DPPA2: variants seen among roughly 807,000 people sequenced by gnomAD.
DPPA2 encodes the protein developmental pluripotency associated 2.
A neutral mutation model predicts 36.2 loss-of-function variants in DPPA2; 26 were observed. The observed-to-expected ratio is 0.72, with a 90% confidence interval of 0.53 to 1.00. The LOEUF is 1.00. Ranked by LOEUF, DPPA2 falls within the 50% of genes least tolerant of loss-of-function variation. The probability of loss-of-function intolerance (pLI) is 0.00; values close to 1 mark genes in which losing one functional copy is unlikely to be tolerated. For synonymous variants in DPPA2, 113 were observed against 123.2 expected (o/e 0.92, Z 0.55); for missense variants, 361 against 365.1 (o/e 0.99, Z 0.09).
Position 109,300,439 on chromosome 3 carries a change from T to C in DPPA2, c.855-4A>G. ...TCTTTTCATCATCTTCTTATTCCTG[T>C]AAGGCAAGTAGAAAAGAACTGTGAA... On this transcript the variant is annotated splice_polypyrimidine_tract_variant and splice_region_variant and intron_variant, in intron 7 of 8. Coordinates refer to ENST00000478945, the MANE Select transcript of DPPA2 (RefSeq NM_138815.4). 1 of 1,613,822 alleles carries C rather than the reference T, an allele frequency of 6.2e-7. No individual in the cohort carries two copies. The highest frequency in any genetic ancestry group is 8.5e-7 in the Non-Finnish European group (1 of 1,179,772).
intron 7 of DPPA2, among the ~76,000 whole-genome samples, chr3:109,302,391 T>C (rs1707470184): frequency 2.0e-5 from 3 of 152,190 alleles, no homozygotes; most frequent in African/African-American, 7.2e-5. Context: ...TAATGAATTA[T>C]CTCTTTCTGA....
chr3:109,301,151 T>C (rs1707450613), intron 7 of DPPA2, among the ~76,000 whole-genome samples: 1 of 151,138 alleles, frequency 6.6e-6, no homozygotes, highest in African/African-American at 2.4e-5. Context: ...ACCTGGCTAA[T>C]TTTTTTATAT....
chr3:109,304,724 A>T, intron 6 of DPPA2, 54 bp from the exon 7 acceptor site: 1 of 1,509,704 alleles, frequency 6.6e-7, no homozygotes, highest in South Asian at 1.3e-5. Context: ...ACCCCAACAC[A>T]ACCTCTCAGC....
chr3:109,296,707 A>G (rs1385582954), intron 8 of DPPA2, among the ~76,000 whole-genome samples: 2 of 152,160 alleles, frequency 1.3e-5, no homozygotes, highest in Non-Finnish European at 2.9e-5. Flanking sequence ...AAGGAAGGAA[A>G]GAAATGAGAA....
intron 6 of DPPA2, among the ~76,000 whole-genome samples, chr3:109,307,795 G>A (rs182393206): frequency 2.8e-4 from 42 of 152,180 alleles, no homozygotes; most frequent in Non-Finnish European, 5.3e-4. Flanking sequence ...AGATTATCAG[G>A]TTATGCTTAG....
intron 6 of DPPA2, among the ~76,000 whole-genome samples, chr3:109,307,542 G>A (rs1366163518): frequency 6.8e-6 from 1 of 147,390 alleles, no homozygotes; most frequent in Non-Finnish European, 1.5e-5. Flanking sequence ...GGCAGAGGTT[G>A]CAGTGAGCCA....
chr3:109,299,695 A>AAAAAAGAAAAAG (rs1277348502), intron 8 of DPPA2, among the ~76,000 whole-genome samples: 50 of 150,148 alleles, frequency 3.3e-4, no homozygotes, highest in African/African-American at 1.2e-3. Context: ...TCAAAAAAAA[A>AAAAAAGAAAAAG]AAAAAGAAAA....
At chr3:109,300,821 CAAAAAAAAA>C (rs767043097) in intron 7 of DPPA2, among the ~76,000 whole-genome samples, 1 of 68,086 alleles carries the variant, frequency 1.5e-5, no homozygotes, top group Non-Finnish European at 3.1e-5. Flanking sequence ...GACTCAGTCT[CAAAAAAAAA>C]AAAAAAAAAA....
chr3:109,299,207 A>G (rs796555500), intron 8 of DPPA2, among the ~76,000 whole-genome samples: 35,348 of 143,884 alleles, frequency 0.25, 4,221 homozygotes, highest in Admixed American at 0.33. Flanking sequence ...AACATACCAA[A>G]AAAAAAAAAA....
At chr3:109,300,588 G>A (rs9865540) in intron 7 of DPPA2, among the ~76,000 whole-genome samples, 153 bp from the exon 8 acceptor site, 99,077 of 151,932 alleles carry the variant, frequency 0.65, 33,954 homozygotes, top group East Asian at 0.9. Flanking sequence ...GTGGGAGGCT[G>A]AGGAGGGCAG....
intron 8 of DPPA2, among the ~76,000 whole-genome samples, 178 bp from the exon 9 acceptor site, chr3:109,294,182 T>C (rs1314967346): frequency 6.6e-6 from 1 of 152,156 alleles, no homozygotes. Context: ...ATAGTCAGAA[T>C]TGGTTTCCTT....
intron 8 of DPPA2, 99 bp downstream of exon 8, chr3:109,300,272 T>C (rs1707435125): frequency 5.3e-6 from 5 of 949,098 alleles, no homozygotes; most frequent in Admixed American, 2.0e-5. Flanking sequence ...TTTTAGTGAA[T>C]AGGGGGAAGG....
intron 8 of DPPA2, among the ~76,000 whole-genome samples, chr3:109,295,002 C>T (rs956060643): frequency 6.6e-6 from 1 of 152,064 alleles, no homozygotes; most frequent in African/African-American, 2.4e-5. Flanking sequence ...GCCTGGACAA[C>T]AAGAGCGAAA....
intron 3 of DPPA2, among the ~76,000 whole-genome samples, chr3:109,311,293 C>A (rs759543808): frequency 2.6e-5 from 4 of 152,164 alleles, no homozygotes; most frequent in Non-Finnish European, 4.4e-5. Context: ...CATTGTCTAT[C>A]CCCAATCAAC....
chr3:109,294,285 G>A (rs1419882271), intron 8 of DPPA2, among the ~76,000 whole-genome samples: 4 of 152,102 alleles, frequency 2.6e-5, no homozygotes, highest in South Asian at 2.1e-4. Flanking sequence ...CAGTCTTTAG[G>A]CAAGACATGT....
intron 7 of DPPA2, among the ~76,000 whole-genome samples, chr3:109,300,948 A>G (rs1707447520): frequency 6.6e-6 from 1 of 151,452 alleles, no homozygotes; most frequent in Non-Finnish European, 1.5e-5. Context: ...ACTTACTCTC[A>G]GGGCTTACAT....
At chr3:109,303,923 G>C (rs1707502753) in intron 7 of DPPA2, among the ~76,000 whole-genome samples, 4 of 151,618 alleles carry the variant, frequency 2.6e-5, no homozygotes, top group African/African-American at 9.7e-5. Flanking sequence ...GATGTCCTGA[G>C]GTCAGGAGCT....
chr3:109,302,556 C>T (rs1470170940), intron 7 of DPPA2, among the ~76,000 whole-genome samples: 16 of 152,190 alleles, frequency 1.1e-4, no homozygotes, highest in African/African-American at 9.6e-5. Context: ...CGTATTCAAA[C>T]GATTCTCCTG....
chr3:109,302,535 C>A (rs1198076869), intron 7 of DPPA2, among the ~76,000 whole-genome samples: 1 of 152,112 alleles, frequency 6.6e-6, no homozygotes, highest in Non-Finnish European at 1.5e-5. Flanking sequence ...CTCACTGCAA[C>A]CTCCGCCTCC....
Sources: gnomAD v4.1 joint callset for allele counts (sites outside exome capture counted in the v4.1 genomes callset) on GRCh38, gnomAD v4.1.1 for gene constraint, MANE v1.5 for transcripts, NCBI Gene and HGNC (gene_info 2026-07-23, HGNC 2026-07-21) for gene names.